Variants in PSD3 observed in about 807,000 individuals in gnomAD.
The protein encoded by PSD3 is PH and SEC7 domain-containing protein 3.
PSD3 carries 49 observed loss-of-function variants against 105.5 expected under a neutral mutation model. The ratio of observed to expected loss-of-function variants is 0.46; its 90% CI spans 0.37 to 0.59. The LOEUF is 0.59. PSD3 is among the 20% of genes least tolerant of loss of function. The pLI is 0.00. For synonymous variants in PSD3, 557 were observed against 457.8 expected, an observed-to-expected ratio of 1.22 and a Z score of -2.77; for missense variants, 1,561 against 1,263.8, an observed-to-expected ratio of 1.24 and a Z score of -3.57.
intron 9 of PSD3, among the ~76,000 whole-genome samples, chr8:18,696,804 A>G (rs1801284134): frequency 6.6e-6 from 1 of 152,226 alleles, no homozygotes; most frequent in African/African-American, 2.4e-5. Flanking sequence ...AAAAGTATAG[A>G]ATGGTACTGT....
At chr8:19,068,923 G>A (rs1384153071) in intron 1 of PSD3, among the ~76,000 whole-genome samples, 1 of 152,054 alleles carries the variant, frequency 6.6e-6, no homozygotes, top group Non-Finnish European at 1.5e-5. Flanking sequence ...AAGGTGAACA[G>A]TCCAGCAAGT....
chr8:18,702,790 T>G (rs1197601197), intron 9 of PSD3, among the ~76,000 whole-genome samples: 1 of 152,014 alleles, frequency 6.6e-6, no homozygotes, highest in Non-Finnish European at 1.5e-5. Context: ...ATTTTTGCAT[T>G]TTTAGTAGAG....
chr8:18,617,784 A>T (rs1335841811), intron 11 of PSD3, among the ~76,000 whole-genome samples: 2 of 152,180 alleles, frequency 1.3e-5, no homozygotes, highest in South Asian at 4.1e-4. Flanking sequence ...GACAAAACAG[A>T]CTCTTAGTAG....
chr8:18,633,258 C>A (rs1485461261), intron 10 of PSD3, among the ~76,000 whole-genome samples: 1 of 151,990 alleles, frequency 6.6e-6, no homozygotes. Context: ...CAGAAAACAG[C>A]AAAAGTGTTA....
At chr8:18,580,094 T>G (rs1016592720) in intron 12 of PSD3, among the ~76,000 whole-genome samples, 4 of 152,218 alleles carry the variant, frequency 2.6e-5, no homozygotes, top group Non-Finnish European at 4.4e-5. Flanking sequence ...TAAAAAATGC[T>G]AAGTATGTCT....
At chr8:18,730,387 A>T (rs774385381) in intron 9 of PSD3, 2 of 152,240 alleles carry the variant, frequency 1.3e-5, no homozygotes, top group Non-Finnish European at 2.9e-5. Flanking sequence ...CCACGTTATA[A>T]CTAAAACATT....
chr8:18,595,950 T>C (rs942747726), intron 12 of PSD3, among the ~76,000 whole-genome samples: 10 of 152,048 alleles, frequency 6.6e-5, no homozygotes, highest in Admixed American at 5.9e-4. Flanking sequence ...CATGAGAATA[T>C]ATATTCTTCT....
At chr8:18,790,034 T>C (rs1809551988) in intron 8 of PSD3, among the ~76,000 whole-genome samples, 1 of 152,070 alleles carries the variant, frequency 6.6e-6, no homozygotes, top group Non-Finnish European at 1.5e-5. Context: ...AAACCTGTTC[T>C]TAAAAAAGCA....
chr8:18,586,672 C>A (rs896566696), intron 12 of PSD3, among the ~76,000 whole-genome samples: 1 of 152,068 alleles, frequency 6.6e-6, no homozygotes, highest in African/African-American at 2.4e-5. Context: ...TGAATTCTTT[C>A]GAAGACCAAT....
At chr8:18,718,915 CA>C in intron 9 of PSD3, among the ~76,000 whole-genome samples, 1 of 152,116 alleles carries the variant, frequency 6.6e-6, no homozygotes, top group African/African-American at 2.4e-5. Flanking sequence ...AGACAACATT[CA>C]AAAAAAGACA....
intron 12 of PSD3, among the ~76,000 whole-genome samples, chr8:18,576,033 ACAC>A (rs1345581662): frequency 3.9e-5 from 6 of 152,156 alleles, no homozygotes; most frequent in East Asian, 3.8e-4. Context: ...CCGAACACAC[ACAC>A]CACATCACCT....
rs75238806 is a variant in PSD3 at position 18,960,043 on chromosome 8, T to C, written c.22-23901A>G. ...ATTCCATCCCCAGAAAAATTACCCATTATCGATTCCTTGGAATTCCTAGGG... is the reference window on the plus strand; with the variant it reads ...ATTCCATCCCCAGAAAAATTACCCACTATCGATTCCTTGGAATTCCTAGGG... On this transcript the variant is annotated intron_variant, in intron 1 of 15. Coordinates refer to ENST00000327040, the MANE Select transcript of PSD3 (RefSeq NM_015310.4). Among the ~76,000 whole-genome samples, 264 of 152,300 alleles carry C rather than the reference T, an allele frequency of 1.7e-3. 1 individual carries two copies. Among genetic ancestry groups the C allele is most frequent in the African/African-American group, 6.0e-3 (251 of 41,574 alleles).
intron 10 of PSD3, among the ~76,000 whole-genome samples, chr8:18,641,121 C>A (rs1169653643): frequency 6.6e-6 from 1 of 152,180 alleles, no homozygotes; most frequent in African/African-American, 2.4e-5. Flanking sequence ...CTCCTCTAGC[C>A]AGAACATTAC....
intron 11 of PSD3, among the ~76,000 whole-genome samples, chr8:18,620,565 G>A (rs1806042107): frequency 6.6e-6 from 1 of 151,936 alleles, no homozygotes; most frequent in South Asian, 2.1e-4. Context: ...AAAAATTAGT[G>A]GGGTGTGACA....
chr8:18,714,873 A>G (rs1802488438), intron 9 of PSD3, among the ~76,000 whole-genome samples: 1 of 152,238 alleles, frequency 6.6e-6, no homozygotes, highest in Non-Finnish European at 1.5e-5. Context: ...AAGACATGGA[A>G]TCAACCCAAA....
chr8:18,620,009 A>G (rs1023412896), intron 11 of PSD3, among the ~76,000 whole-genome samples: 1 of 152,162 alleles, frequency 6.6e-6, no homozygotes, highest in African/African-American at 2.4e-5. Flanking sequence ...AGACATTTAT[A>G]GTCTGTTTCT....
chr8:18,640,051 T>C (rs1807528861), intron 10 of PSD3, among the ~76,000 whole-genome samples: 1 of 152,036 alleles, frequency 6.6e-6, no homozygotes, highest in Non-Finnish European at 1.5e-5. Context: ...AGTAGAAAGG[T>C]CTCTGGAATC....
chr8:19,068,599 C>T (rs2129477838), intron 1 of PSD3, among the ~76,000 whole-genome samples: 1 of 152,220 alleles, frequency 6.6e-6, no homozygotes, highest in African/African-American at 2.4e-5. Context: ...CTTCCTCTTC[C>T]CTTTTGATAG....
At chr8:19,002,133 A>C (rs1262387695) in intron 1 of PSD3, among the ~76,000 whole-genome samples, 1 of 152,018 alleles carries the variant, frequency 6.6e-6, no homozygotes, top group African/African-American at 2.4e-5. Context: ...TTGAAGGCAA[A>C]ATGAAACTGT....
Sources: allele counts gnomAD v4.1 joint callset (sites outside exome capture counted in the v4.1 genomes callset), GRCh38; gene constraint gnomAD v4.1.1; transcripts MANE v1.5; gene names NCBI Gene and HGNC (gene_info 2026-07-23, HGNC 2026-07-21).